The following IKBIP variants were observed in gnomAD, a reference collection of about 807,000 sequenced individuals.
The protein encoded by IKBIP is IKBKB interacting protein, also known as inhibitor of nuclear factor kappa-B kinase-interacting protein.
A neutral mutation model predicts 31.0 loss-of-function variants in IKBIP; 28 were observed. The observed-to-expected ratio is 0.90, with a 90% CI of 0.67 to 1.24. The LOEUF (loss-of-function observed/expected upper bound fraction) is 1.24, where lower values mean the gene tolerates loss of function less well. Among genes scored for constraint, IKBIP ranks in the 50% most tolerant of loss-of-function variants. IKBIP has a pLI of 0.00. For synonymous variants in IKBIP, 164 were observed against 160.3 expected (o/e 1.02, Z -0.17); for missense variants, 453 against 441.9 (o/e 1.03, Z -0.23).
intron 1 of IKBIP, among the ~76,000 whole-genome samples, chr12:98,637,663 T>C (rs1169162784): frequency 6.6e-6 from 1 of 152,188 alleles, no homozygotes; most frequent in African/African-American, 2.4e-5. Context: ...TGCCTCAGCC[T>C]CCCAAAGTGC....
Position 98,644,741 on chromosome 12 carries a change from T to A in IKBIP, c.-40A>T, listed in dbSNP as rs781472134. 86 of 1,571,148 alleles carry A rather than the reference T, an allele frequency of 5.5e-5. No homozygotes were observed. Among genetic ancestry groups the A allele is most frequent in the Non-Finnish European group, 6.7e-5 (78 of 1,166,026 alleles). On this transcript the variant is annotated 5_prime_UTR_variant, in exon 1 of 3. Coordinates refer to ENST00000299157, the MANE Select transcript of IKBIP (RefSeq NM_153687.4). ...GGACGACAAGCCCAGGGCAGCTTCT[T>A]CACCAGGGGGAGCAGGACGTGGCCG...
At chr12:98,637,598 G>T (rs1010709942) in intron 1 of IKBIP, among the ~76,000 whole-genome samples, 1 of 152,118 alleles carries the variant, frequency 6.6e-6, no homozygotes, top group African/African-American at 2.4e-5. Flanking sequence ...TAGTAGAGAT[G>T]GGGTTTCACC....
In IKBIP at chr12:98,626,329, C is replaced by G. The variant is rs2097614278; in HGVS notation, c.735G>C (p.Gln245His). The G allele has an allele frequency of 1.9e-6, 3 of 1,614,156 alleles. No homozygotes were observed. The highest frequency in any genetic ancestry group is 2.5e-6 in the Non-Finnish European group (3 of 1,180,028). Reference protein sequence around the residue: ...TKAIEKLEEEQHALFARDEDL... With the variant: ...TKAIEKLEEEHHALFARDEDL... Reference sequence around the variant, plus strand: ...CTTCATCTCTGGCAAAGAGGGCATGCTGTTCCTCTTCTAACTTTTCAATTG... The same window carrying G: ...CTTCATCTCTGGCAAAGAGGGCATGGTGTTCCTCTTCTAACTTTTCAATTG... Residue 245 changes from glutamine to histidine, a missense_variant, in exon 3 of 3, where the codon CAG (glutamine) becomes CAC (histidine). Physicochemically the swap from Gln to His is conservative, Grantham distance 24 (BLOSUM62 0). Transcript: ENST00000299157.
rs1454921281 is a variant in IKBIP at position 98,625,385 on chromosome 12, T to A, written c.*545A>T. The A allele has an allele frequency of 4.0e-6, 3 of 741,046 alleles. No homozygotes were observed. The highest frequency in any genetic ancestry group is 3.3e-6 in the Non-Finnish European group (2 of 607,282). 45.9% of individuals were successfully genotyped at this position (741,046 alleles called of 1,614,324 possible). A position where few individuals can be genotyped will look rare whatever the true frequency, so the allele number is the denominator to read the frequency against. ...AAGGCACCAGGCTCTCCCTCAGGCA[T>A]GTTATCTTTTATTTTACACAAAATT... On this transcript the variant is annotated 3_prime_UTR_variant, in exon 3 of 3. Transcript: ENST00000299157.
downstream of IKBIP, among the ~76,000 whole-genome samples, chr12:98,621,045 C>T (rs1347220334): frequency 3.3e-5 from 5 of 151,906 alleles, no homozygotes; most frequent in Admixed American, 6.6e-5. Context: ...GTCAGGAGTT[C>T]GAGACCAGCC....
intron 1 of IKBIP, among the ~76,000 whole-genome samples, chr12:98,634,734 G>A (rs1592998333): frequency 6.7e-6 from 1 of 148,214 alleles, no homozygotes; most frequent in African/African-American, 2.5e-5. Context: ...TTTTGAGATG[G>A]AGTCTCACTC....
At chr12:98,644,189 T>C (rs539499634) in intron 1 of IKBIP, among the ~76,000 whole-genome samples, 1 of 152,140 alleles carries the variant, frequency 6.6e-6, no homozygotes, top group Non-Finnish European at 1.5e-5. Context: ...AGTAACGGTT[T>C]ATAACAACGT....
chr12:98,632,482 T>TG (rs1270539668), intron 2 of IKBIP, among the ~76,000 whole-genome samples: 8 of 10,484 alleles, frequency 7.6e-4, no homozygotes, highest in East Asian at 0.015. Context: ...AGACTCTATC[T>TG]GAAAAAAAAA....
rs2097613902 is a variant in IKBIP, at chr12:98,626,032, T to C, written c.1032A>G (p.Leu344=). The change falls in exon 3 of 3, where the codon CTA becomes CTG. Residue 344 remains leucine, a synonymous_variant. Transcript: ENST00000299157. ...CTATAAAATCATGAACTTTTTCTTT[T>C]AGAATATCCAGTTCATTTTGCATCT... ...ILKMQNELDI[L]KEKVHDFIAY... The C allele has an allele frequency of 3.2e-6, 5 of 1,574,648 alleles. No individual in the cohort carries two copies. The highest frequency in any genetic ancestry group is 2.7e-5 in the African/African-American group (2 of 73,244).
At chr12:98,643,979 C>A (rs1324784514) in intron 1 of IKBIP, among the ~76,000 whole-genome samples, 1 of 152,092 alleles carries the variant, frequency 6.6e-6, no homozygotes, top group Non-Finnish European at 1.5e-5. Context: ...CCACGCCCGG[C>A]TGATTATTCG....
chr12:98,637,186 A>G (rs2097626458), intron 1 of IKBIP, among the ~76,000 whole-genome samples: 6 of 151,922 alleles, frequency 3.9e-5, no homozygotes, highest in Admixed American at 3.9e-4. Flanking sequence ...TTTTTTGATT[A>G]GCCTCTTACT....
rs973109163 is a variant in IKBIP at position 98,644,587 on chromosome 12, C to A, written c.115G>T (p.Gly39Cys). ...TPVARSSGGG[G>C]WADPRTCLSL... is the part of the protein sequence containing the mutation. ...AGGCACGTTCGGGGGTCTGCCCAGC[C>A]CCCGCCTCCGCTGCTCCGGGCCACG... is the stretch of plus-strand genomic sequence containing the variant. Residue 39 changes from glycine to cysteine, a missense_variant, in exon 1 of 3, where the codon GGC (glycine) becomes TGC (cysteine). Gly to Cys is a radical substitution (Grantham distance 159). Coordinates refer to ENST00000299157, the MANE Select transcript of IKBIP (RefSeq NM_153687.4). 3.6e-5 allele frequency: 58 copies of A among 1,609,690 alleles called. No homozygotes were observed. Among genetic ancestry groups the A allele is most frequent in the Non-Finnish European group, 4.9e-5 (58 of 1,178,592 alleles).
At chr12:98,643,139 G>T (rs1468582104) in intron 1 of IKBIP, among the ~76,000 whole-genome samples, 1 of 150,112 alleles carries the variant, frequency 6.7e-6, no homozygotes, top group East Asian at 2.0e-4. Context: ...TTTTTGTAGA[G>T]ACAGGGTTTC....
intron 2 of IKBIP, among the ~76,000 whole-genome samples, chr12:98,632,620 AT>A (rs35887973): frequency 0.029 from 2,644 of 90,816 alleles, 46 homozygotes; most frequent in South Asian, 0.047. Context: ...CCAGATTCCA[AT>A]TTTTTTTTTT....
chr12:98,625,152 A>C lies in IKBIP; in HGVS notation c.*778T>G, dbSNP rs911035167. ...CCATGGATCTAGCAAACTCATGTCT[A>C]ACACAGTTGGAACCTAAAACTCAGG... On this transcript the variant is annotated 3_prime_UTR_variant, in exon 3 of 3. Coordinates refer to ENST00000299157, the MANE Select transcript of IKBIP (RefSeq NM_153687.4). 9 of 985,214 alleles carry C rather than the reference A, an allele frequency of 9.1e-6. No individual in the cohort carries two copies. Among genetic ancestry groups the C allele is most frequent in the African/African-American group, 3.5e-5 (2 of 57,244 alleles). 61.0% of individuals were successfully genotyped at this position (985,214 alleles called of 1,614,324 possible).
At chr12:98,622,090 A>C (rs2097610614), downstream of IKBIP, among the ~76,000 whole-genome samples, 1 of 150,978 alleles carries the variant, frequency 6.6e-6, no homozygotes, top group Non-Finnish European at 1.5e-5. Flanking sequence ...AAAAAAAAAA[A>C]AGGAATGATT....
chr12:98,639,972 C>T (rs185349775), intron 1 of IKBIP, among the ~76,000 whole-genome samples: 51 of 152,226 alleles, frequency 3.4e-4, no homozygotes, highest in Admixed American at 9.8e-4. Context: ...AGATAAAACT[C>T]TACTAACACA....
intron 1 of IKBIP, among the ~76,000 whole-genome samples, chr12:98,641,404 T>C (rs1243048592): frequency 1.3e-5 from 2 of 152,254 alleles, no homozygotes; most frequent in African/African-American, 2.4e-5. Context: ...AAGATCTCAA[T>C]GGCTTTGTCA....
At chr12:98,637,628 C>T (rs1381423519) in intron 1 of IKBIP, among the ~76,000 whole-genome samples, 1 of 152,080 alleles carries the variant, frequency 6.6e-6, no homozygotes, top group African/African-American at 2.4e-5. Flanking sequence ...AGAATGGTCT[C>T]GATCTCTTGA....
Sources: allele counts gnomAD v4.1 joint callset (sites outside exome capture counted in the v4.1 genomes callset), GRCh38; gene constraint gnomAD v4.1.1; transcripts MANE v1.5; gene names NCBI Gene and HGNC (gene_info 2026-07-23, HGNC 2026-07-21).